SHISA9: variants seen among roughly 807,000 people sequenced by gnomAD.
SHISA9 encodes shisa family member 9.
A neutral mutation model predicts 38.0 loss-of-function variants in SHISA9; 13 were observed. That is an observed-to-expected ratio of 0.34 (90% confidence interval 0.22 to 0.54). The LOEUF (loss-of-function observed/expected upper bound fraction) is 0.54, where lower values mean the gene tolerates loss of function less well. Ranked by LOEUF, SHISA9 falls within the 20% of genes least tolerant of loss-of-function variation. SHISA9 has a pLI of 0.91. For missense variants in SHISA9, 538 were observed against 575.8 expected, an observed-to-expected ratio of 0.93 and a Z score of 0.67; for synonymous variants, 275 against 242.0, an observed-to-expected ratio of 1.14 and a Z score of -1.27.
the SHISA9 span, among the ~76,000 whole-genome samples, chr16:13,510,615 T>C: frequency 6.6e-6 from 1 of 152,176 alleles, no homozygotes; most frequent in South Asian, 2.1e-4. Flanking sequence ...CTGAAAGGAG[T>C]AGGTAATAAT....
intron 2 of SHISA9, among the ~76,000 whole-genome samples, chr16:13,145,173 T>G (rs1336970888): frequency 1.3e-5 from 2 of 152,172 alleles, no homozygotes; most frequent in Non-Finnish European, 2.9e-5. Context: ...AGCACCTGCA[T>G]TGCAGCATAG....
chr16:13,293,998 C>G, the SHISA9 span, among the ~76,000 whole-genome samples: 1 of 152,162 alleles, frequency 6.6e-6, no homozygotes, highest in African/African-American at 2.4e-5. Flanking sequence ...ATCCAACACT[C>G]CAACCCTTGA....
the SHISA9 span, among the ~76,000 whole-genome samples, chr16:13,347,222 T>C: frequency 6.6e-6 from 1 of 152,124 alleles, no homozygotes; most frequent in South Asian, 2.1e-4. Flanking sequence ...GAGCACGGGG[T>C]CAGGTATAGT....
At chr16:12,965,660 G>T (rs550588541) in intron 2 of SHISA9, among the ~76,000 whole-genome samples, 1 of 152,162 alleles carries the variant, frequency 6.6e-6, no homozygotes, top group African/African-American at 2.4e-5. Flanking sequence ...TGCAGGGTCT[G>T]GGGTTTACTC....
chr16:13,076,422 T>C (rs1339356583), intron 2 of SHISA9, among the ~76,000 whole-genome samples: 2 of 152,202 alleles, frequency 1.3e-5, no homozygotes, highest in African/African-American at 2.4e-5. Flanking sequence ...TATAAGGTTA[T>C]AGATGACATT....
Position 13,181,623 on chromosome 16 carries a change from G to C in SHISA9, c.692-21771G>C, listed in dbSNP as rs137973228. ...GTTAAGGGGTCTGAAGCAGGGGAAT[G>C]ATGTCATAGCTCGTGTGTTAGAGAT... On this transcript the variant is annotated intron_variant, in intron 2 of 4. Transcript: ENST00000558583. 7.4e-3 allele frequency among the ~76,000 whole-genome samples: 1,131 copies of C among 152,062 alleles called. 7 individuals carry two copies. Among genetic ancestry groups the C allele is most frequent in the Middle Eastern group, 0.037 (11 of 294 alleles).
chr16:12,936,159 G>A (rs920710827), intron 2 of SHISA9, among the ~76,000 whole-genome samples: 1 of 152,098 alleles, frequency 6.6e-6, no homozygotes, highest in African/African-American at 2.4e-5. Flanking sequence ...TTGGGATGAC[G>A]GGTGAGAAAG....
chr16:13,049,430 A>C (rs2073225905), intron 2 of SHISA9, among the ~76,000 whole-genome samples: 1 of 152,154 alleles, frequency 6.6e-6, no homozygotes, highest in African/African-American at 2.4e-5. Context: ...TGCAACTTTC[A>C]CTGTAGGTTT....
intron 2 of SHISA9, among the ~76,000 whole-genome samples, chr16:13,173,450 T>C (rs1331170696): frequency 1.9e-5 from 2 of 107,476 alleles, no homozygotes; most frequent in African/African-American, 9.3e-5. Context: ...ATGTTTACCA[T>C]GTTCCAGGAC....
At chr16:13,464,832 C>A in the SHISA9 span, among the ~76,000 whole-genome samples, 2 of 151,924 alleles carry the variant, frequency 1.3e-5, no homozygotes, top group Non-Finnish European at 2.9e-5. Flanking sequence ...CACCCCCACC[C>A]CCCACCTTTT....
At chr16:12,981,168 CCCCAAG>C (rs1215542710) in intron 2 of SHISA9, among the ~76,000 whole-genome samples, 1 of 152,216 alleles carries the variant, frequency 6.6e-6, no homozygotes, top group African/African-American at 2.4e-5. Context: ...AAGGCCAGAG[CCCCAAG>C]TCAGCCCCAG....
chr16:13,329,742 C>A, the SHISA9 span, among the ~76,000 whole-genome samples: 1 of 152,166 alleles, frequency 6.6e-6, no homozygotes, highest in Non-Finnish European at 1.5e-5. Context: ...GAATTCCTAG[C>A]CCACCCCTAG....
chr16:13,409,497 T>C, the SHISA9 span, among the ~76,000 whole-genome samples: 3 of 152,228 alleles, frequency 2.0e-5, no homozygotes, highest in African/African-American at 7.2e-5. Flanking sequence ...CTCTGCATGC[T>C]CCACCTCCTG....
At chr16:13,007,557 A>T (rs958654074) in intron 2 of SHISA9, among the ~76,000 whole-genome samples, 1 of 152,010 alleles carries the variant, frequency 6.6e-6, no homozygotes, top group Non-Finnish European at 1.5e-5. Context: ...ATATTTTTTC[A>T]TTACTGAAAA....
At chr16:13,121,677 C>G (rs951083476) in intron 2 of SHISA9, among the ~76,000 whole-genome samples, 1 of 152,062 alleles carries the variant, frequency 6.6e-6, no homozygotes. Context: ...AGCATCCACA[C>G]CAAACTGCAT....
chr16:13,304,220 G>A, the SHISA9 span, among the ~76,000 whole-genome samples: 1 of 152,132 alleles, frequency 6.6e-6, no homozygotes, highest in Admixed American at 6.5e-5. Flanking sequence ...CTGGATTTGT[G>A]TGAATGAAGT....
At chr16:13,403,125 C>A in the SHISA9 span, among the ~76,000 whole-genome samples, 1,451 of 139,650 alleles carry the variant, frequency 0.01, 32 homozygotes, top group African/African-American at 0.037. Context: ...AAAAAAAAAA[C>A]CAAAGAAATT....
At chr16:13,194,850 G>C (rs1040459549) in intron 2 of SHISA9, among the ~76,000 whole-genome samples, 1 of 152,202 alleles carries the variant, frequency 6.6e-6, no homozygotes, top group African/African-American at 2.4e-5. Flanking sequence ...TTATGTACTG[G>C]AATTGAACAA....
chr16:13,332,550 C>T, the SHISA9 span: 1 of 152,180 alleles, frequency 6.6e-6, no homozygotes. Context: ...CCAAAAGAAG[C>T]TTCAAATTGG....
Sources: gnomAD v4.1 joint callset for allele counts (sites outside exome capture counted in the v4.1 genomes callset) on GRCh38, gnomAD v4.1.1 for gene constraint, MANE v1.5 for transcripts, NCBI Gene and HGNC (gene_info 2026-07-23, HGNC 2026-07-21) for gene names.